The following ZNF675 variants were observed in gnomAD, a reference collection of about 807,000 sequenced individuals.
ZNF675 encodes zinc finger protein 675.
Under a neutral mutation model 56.1 loss-of-function variants are expected in ZNF675, and 36 were observed. The ratio of observed to expected loss-of-function variants is 0.64; its 90% CI spans 0.49 to 0.85. The LOEUF (loss-of-function observed/expected upper bound fraction) is 0.85. Among genes scored for constraint, ZNF675 ranks in the 40% least tolerant of loss-of-function variants. ZNF675 has a pLI of 0.00. For missense variants in ZNF675, 663 were observed against 654.2 expected (o/e 1.01, Z -0.15); for synonymous variants, 200 against 218.9 (o/e 0.91, Z 0.76).
chr19:23,684,435 G>C (rs916641360), intron 1 of ZNF675, among the ~76,000 whole-genome samples: 1 of 150,958 alleles, frequency 6.6e-6, no homozygotes. Flanking sequence ...ACCTGAGGTC[G>C]GGAGTTTGAG....
intron 1 of ZNF675, among the ~76,000 whole-genome samples, chr19:23,669,381 C>G (rs1444360943): frequency 6.6e-6 from 1 of 152,134 alleles, no homozygotes; most frequent in African/African-American, 2.4e-5. Flanking sequence ...TCCCTTCCCC[C>G]ACTCAACTAG....
At position 23,662,169 on chromosome 19, in the gene ZNF675, C is replaced by T. The variant is rs1485211272; in HGVS notation, c.171G>A (p.Glu57=). The part of the protein sequence containing the change: ...VSKQDLITCL[E]QEKEPLTVKR... ...TCACAGTCAAAGGCTCTTTTTCTTG[C>T]TCCAGACAGGTGATCAGGTCTTGCT... is the stretch of plus-strand genomic sequence containing the variant. The change falls in exon 3 of 4, where the codon GAG becomes GAA. Residue 57 remains glutamate, a synonymous_variant. Coordinates refer to ENST00000359788, the MANE Select transcript of ZNF675 (RefSeq NM_138330.3). 5.0e-6 allele frequency: 8 copies of T among 1,613,304 alleles called. No individual in the cohort carries two copies. The highest frequency in any genetic ancestry group is 1.7e-5 in the Admixed American group (1 of 59,844).
At chr19:23,658,862 A>AGTAGATCT (rs1364352504) in intron 3 of ZNF675, among the ~76,000 whole-genome samples, 1 of 15,706 alleles carries the variant, frequency 6.4e-5, no homozygotes, top group Admixed American at 7.8e-4. Flanking sequence ...TAGATATAGA[A>AGTAGATCT]ATAGATCTAT....
At chr19:23,676,178 C>G (rs959292161) in intron 1 of ZNF675, among the ~76,000 whole-genome samples, 1 of 151,444 alleles carries the variant, frequency 6.6e-6, no homozygotes, top group Non-Finnish European at 1.5e-5. Context: ...CTGAATAAAC[C>G]AATAAAAAGC....
rs2144914192 is a variant in ZNF675, at chr19:23,653,233, T to C, written c.1700A>G (p.Asn567Ser). 1 of 1,591,632 alleles carries C rather than the reference T, an allele frequency of 6.3e-7. No individual in the cohort carries two copies. The highest frequency in any genetic ancestry group is 1.4e-5 in the African/African-American group (1 of 73,952). ...GTGTTGTCAAAATCATTATCACACA[T>C]TCCAGTTCTGTAGTTTCTCTCCAGT... ...IHTGEKLQNW[N>S]V Residue 567 changes from asparagine to serine, a missense_variant, in exon 4 of 4, where the codon AAT (asparagine) becomes AGT (serine). Physicochemically the swap from Asn to Ser is conservative, Grantham distance 46. This residue lies in a region of ZNF675 where 617 missense variants were observed against 590.5 expected (regional missense o/e 1.04). Coordinates refer to ENST00000359788, the MANE Select transcript of ZNF675 (RefSeq NM_138330.3).
chr19:23,664,784 C>T (rs566618381), intron 1 of ZNF675, among the ~76,000 whole-genome samples: 1 of 151,994 alleles, frequency 6.6e-6, no homozygotes, highest in Non-Finnish European at 1.5e-5. Flanking sequence ...AACCCCATCT[C>T]TACTAAAAAT....
intron 3 of ZNF675, among the ~76,000 whole-genome samples, chr19:23,661,120 C>T (rs997765596): frequency 4.6e-5 from 7 of 151,574 alleles, no homozygotes; most frequent in African/African-American, 1.2e-4. Flanking sequence ...TAGTAGACAC[C>T]GGGTTTCACC....
rs1967930372 is a variant in ZNF675, at chr19:23,652,919, G to A, written c.*307C>T. 1 of 209,998 alleles carries A rather than the reference G, an allele frequency of 4.8e-6. No individual in the cohort carries two copies. Among genetic ancestry groups the A allele is most frequent in the African/African-American group, 2.3e-5 (1 of 43,260 alleles). 13.0% of individuals were successfully genotyped at this position (209,998 alleles called of 1,614,324 possible). On this transcript the variant is annotated 3_prime_UTR_variant, in exon 4 of 4. Transcript: ENST00000359788. ...TTTAGACAGTAATTGCATTTATAAT[G>A]CTTTTATTAAGTACCAACATTCTGA... is the stretch of plus-strand genomic sequence containing the variant.
intron 1 of ZNF675, 103 bp from the exon 2 acceptor site, chr19:23,663,261 T>C (rs1191663508): frequency 1.5e-5 from 20 of 1,355,886 alleles, no homozygotes; most frequent in Middle Eastern, 1.9e-4. Flanking sequence ...TTCTGATTTA[T>C]AGGAGTGACT....
At chr19:23,657,228 C>T (rs962037109) in intron 3 of ZNF675, 1 of 152,388 alleles carries the variant, frequency 6.6e-6, no homozygotes, top group African/African-American at 2.4e-5. Context: ...GAGCCACTAC[C>T]ATGCCTGGCC....
chr19:23,667,620 G>GAGCT (rs1968170528), intron 1 of ZNF675, among the ~76,000 whole-genome samples: 1 of 152,038 alleles, frequency 6.6e-6, no homozygotes, highest in Non-Finnish European at 1.5e-5. Context: ...CACAAACCCT[G>GAGCT]AGCTAGACAT....
At chr19:23,659,331 T>A (rs1465848985) in intron 3 of ZNF675, among the ~76,000 whole-genome samples, 1 of 152,052 alleles carries the variant, frequency 6.6e-6, no homozygotes, top group Non-Finnish European at 1.5e-5. Context: ...GTGAAATTGG[T>A]AAGATGGGAG....
chr19:23,655,172 G>A (rs1967966831), intron 3 of ZNF675: 1 of 152,166 alleles, frequency 6.6e-6, no homozygotes. Context: ...GGGAGGATAA[G>A]GTTGCAGTGG....
chr19:23,680,979 A>G (rs1968368866), intron 1 of ZNF675, among the ~76,000 whole-genome samples: 1 of 151,652 alleles, frequency 6.6e-6, no homozygotes, highest in Non-Finnish European at 1.5e-5. Context: ...AAACCTGCAG[A>G]TGTACTTATG....
At chr19:23,663,193 G>A (rs771663562) in intron 1 of ZNF675, 35 bp from the exon 2 acceptor site, 28 of 1,578,960 alleles carry the variant, frequency 1.8e-5, no homozygotes, top group Non-Finnish European at 3.4e-6. Flanking sequence ...TATTCACCAG[G>A]TAGCCAACAG....
chr19:23,660,877 G>T (rs1199010788), intron 3 of ZNF675, among the ~76,000 whole-genome samples: 1 of 150,716 alleles, frequency 6.6e-6, no homozygotes, highest in East Asian at 1.9e-4. Flanking sequence ...TTAAATAGCC[G>T]AAGCAAGCTT....
At chr19:23,664,144 G>T (rs1223922951) in intron 1 of ZNF675, among the ~76,000 whole-genome samples, 1 of 152,102 alleles carries the variant, frequency 6.6e-6, no homozygotes, top group African/African-American at 2.4e-5. Context: ...AGTACTAAAC[G>T]CATGGCATTC....
chr19:23,663,203 G>A (rs1267914072), intron 1 of ZNF675, 45 bp from the exon 2 acceptor site: 3 of 1,573,000 alleles, frequency 1.9e-6, no homozygotes, highest in South Asian at 2.3e-5. Context: ...GTAGCCAACA[G>A]AGATTATAAT....
chr19:23,686,715 G>C (rs373776871), intron 1 of ZNF675, among the ~76,000 whole-genome samples: 3 of 152,156 alleles, frequency 2.0e-5, no homozygotes, highest in Non-Finnish European at 2.9e-5. Context: ...CCTGAGTCAG[G>C]ATTCTCCGGT....
Sources: gnomAD v4.1 joint callset for allele counts (sites outside exome capture counted in the v4.1 genomes callset) on GRCh38, gnomAD v4.1.1 for gene constraint, gnomAD v4.1.1 regional missense constraint, MANE v1.5 for transcripts, NCBI Gene and HGNC (gene_info 2026-07-23, HGNC 2026-07-21) for gene names.